The following MSH3 variants were observed in gnomAD, a reference collection of about 807,000 sequenced individuals.
MSH3 encodes the protein DNA mismatch repair protein Msh3.
Under a neutral mutation model 123.3 loss-of-function variants are expected in MSH3, and 106 were observed. The ratio of observed to expected loss-of-function variants is 0.86; its 90% confidence interval spans 0.73 to 1.01. MSH3 has a LOEUF of 1.01. MSH3 is among the 50% of genes least tolerant of loss of function. MSH3 has a pLI of 0.00. For missense variants in MSH3, 1,459 were observed against 1,347.6 expected (o/e 1.08, Z -1.29); for synonymous variants, 515 against 481.4 (o/e 1.07, Z -0.91).
At chr5:80,808,183 A>T (rs985611398) in intron 19 of MSH3, among the ~76,000 whole-genome samples, 1 of 152,078 alleles carries the variant, frequency 6.6e-6, no homozygotes, top group Non-Finnish European at 1.5e-5. Flanking sequence ...TTGCATCTTG[A>T]TCTTAAATCT....
chr5:80,690,030 G>A (rs570020929), intron 8 of MSH3, among the ~76,000 whole-genome samples: 11 of 151,994 alleles, frequency 7.2e-5, no homozygotes, highest in Admixed American at 2.0e-4. Context: ...TACTAATCAG[G>A]CACATACCTG....
intron 8 of MSH3, among the ~76,000 whole-genome samples, chr5:80,698,462 T>TA (rs1252888263): frequency 1.3e-5 from 2 of 152,134 alleles, no homozygotes; most frequent in African/African-American, 2.4e-5. Flanking sequence ...ATCTTAGAGT[T>TA]ACTGGCAGCC....
chr5:80,753,468 A>C (rs1743872074), intron 12 of MSH3, among the ~76,000 whole-genome samples: 1 of 152,158 alleles, frequency 6.6e-6, no homozygotes, highest in Non-Finnish European at 1.5e-5. Context: ...TATAACCATG[A>C]ACAATTGAGG....
intron 2 of MSH3, among the ~76,000 whole-genome samples, chr5:80,662,757 G>C (rs979066789): frequency 6.6e-6 from 1 of 151,872 alleles, no homozygotes; most frequent in Admixed American, 6.6e-5. Flanking sequence ...AATCCAGGAG[G>C]CAGAGGTTGC....
intron 20 of MSH3, among the ~76,000 whole-genome samples, chr5:80,845,982 C>T (rs950878612): frequency 1.2e-4 from 19 of 152,240 alleles, no homozygotes; most frequent in East Asian, 5.8e-4. Flanking sequence ...GGAGAAGAGG[C>T]GCTCTGGTTT....
chr5:80,774,111 A>G (rs245403), intron 15 of MSH3, among the ~76,000 whole-genome samples: 127,522 of 152,188 alleles, frequency 0.84, 53,474 homozygotes, highest in East Asian at 1. Flanking sequence ...ACACTGAGAA[A>G]AGATAATACA....
intron 20 of MSH3, among the ~76,000 whole-genome samples, chr5:80,843,661 A>G (rs1318313992): frequency 6.6e-6 from 1 of 152,040 alleles, no homozygotes; most frequent in Non-Finnish European, 1.5e-5. Context: ...GAATTTATCC[A>G]TTTCTTCTAG....
chr5:80,773,071 A>G (rs1320673659), intron 15 of MSH3, among the ~76,000 whole-genome samples: 1 of 152,200 alleles, frequency 6.6e-6, no homozygotes, highest in Non-Finnish European at 1.5e-5. Context: ...AACTGTTCCC[A>G]AGGTGCTCCT....
intron 8 of MSH3, among the ~76,000 whole-genome samples, chr5:80,708,557 A>G (rs1750770708): frequency 6.6e-6 from 1 of 151,142 alleles, no homozygotes; most frequent in Non-Finnish European, 1.5e-5. Flanking sequence ...TCCTGGGCCC[A>G]AGTGATCCTC....
At chr5:80,792,663 GCTAT>G (rs1433394848) in intron 18 of MSH3, 66 bp from the exon 19 acceptor site, 2 of 899,906 alleles carry the variant, frequency 2.2e-6, no homozygotes, top group South Asian at 1.5e-5. Context: ...AATTTTTCAT[GCTAT>G]CTTAGAGTTT....
rs922280078 is a variant in MSH3 at position 80,656,488 on chromosome 5, A to G, written c.315A>G (p.Gln105=). ...TTAAAAAGAAAGTAAAGAAAGTCCA[A>G]CAAAAGGAAGGAGGAAGTGATCTGG... ...GPVKKKVKKV[Q]QKEGGSDLGM... Residue 105 remains glutamine (Q), a synonymous_variant, in exon 2 of 24, where the codon CAA becomes CAG. Coordinates refer to ENST00000265081, the MANE Select transcript of MSH3 (RefSeq NM_002439.5). 20 of 1,614,126 alleles carry G rather than the reference A, an allele frequency of 1.2e-5. No homozygotes were observed. Among genetic ancestry groups the G allele is most frequent in the Non-Finnish European group, 1.7e-5 (20 of 1,180,046 alleles).
At position 80,656,414 on chromosome 5, in the gene MSH3, A is replaced by G. The variant is rs1749285992; in HGVS notation, c.241A>G (p.Thr81Ala). The G allele has an allele frequency of 1.9e-6, 3 of 1,614,112 alleles. No homozygotes were observed. Among genetic ancestry groups the G allele is most frequent in the Non-Finnish European group, 2.5e-6 (3 of 1,179,988 alleles). ...TTTTCTAACCTTCCCGATATAGGCT[A>G]CAGAAATTGACAGAAGAAAGAAGAG... is the stretch of plus-strand genomic sequence containing the variant. ...FPPQLPPHIA[T>A]EIDRRKKRPL... The change falls in exon 2 of 24, where the codon ACA (threonine) becomes GCA (alanine). Residue 81 changes from threonine (T) to alanine (A), a missense_variant. Thr to Ala is a moderately conservative substitution (Grantham distance 58, BLOSUM62 0). Transcript: ENST00000265081.
intron 11 of MSH3, among the ~76,000 whole-genome samples, chr5:80,741,946 G>T (rs1743622714): frequency 1.0e-5 from 1 of 96,478 alleles, no homozygotes; most frequent in Non-Finnish European, 2.2e-5. Flanking sequence ...CAGGTTATAG[G>T]TTTCTGGGAT....
chr5:80,837,307 G>A (rs1004083380), intron 20 of MSH3, among the ~76,000 whole-genome samples: 3 of 152,174 alleles, frequency 2.0e-5, no homozygotes, highest in African/African-American at 4.8e-5. Context: ...GGTCAGGCAC[G>A]GTGGCTCACG....
At chr5:80,693,593 A>G (rs896875020) in intron 8 of MSH3, among the ~76,000 whole-genome samples, 2 of 109,638 alleles carry the variant, frequency 1.8e-5, no homozygotes, top group Non-Finnish European at 3.8e-5. Flanking sequence ...ATATAAATAT[A>G]TATAAACATA....
At chr5:80,667,420 C>T (rs377130394) in intron 3 of MSH3, among the ~76,000 whole-genome samples, 2 of 152,320 alleles carry the variant, frequency 1.3e-5, no homozygotes, top group East Asian at 1.9e-4. Context: ...GGTGTTGCTT[C>T]GCCAGCTGTA....
At chr5:80,688,113 G>A (rs762045663) in intron 8 of MSH3, among the ~76,000 whole-genome samples, 2 of 152,152 alleles carry the variant, frequency 1.3e-5, no homozygotes, top group African/African-American at 2.4e-5. Flanking sequence ...AAGATACTTG[G>A]TTAAAAACTA....
intron 8 of MSH3, among the ~76,000 whole-genome samples, chr5:80,699,743 T>TA (rs917299356): frequency 1.3e-5 from 2 of 152,144 alleles, no homozygotes; most frequent in African/African-American, 4.8e-5. Context: ...TTTATTTCTT[T>TA]AAAAAATTTT....
intron 20 of MSH3, among the ~76,000 whole-genome samples, chr5:80,839,044 A>G (rs773524696): frequency 2.3e-4 from 35 of 152,196 alleles, no homozygotes; most frequent in Non-Finnish European, 4.0e-4. Flanking sequence ...TCTATTGTTT[A>G]AGACGTGATC....
Sources: allele counts gnomAD v4.1 joint callset (sites outside exome capture counted in the v4.1 genomes callset), GRCh38; gene constraint gnomAD v4.1.1; transcripts MANE v1.5; gene names NCBI Gene and HGNC (gene_info 2026-07-23, HGNC 2026-07-21).